COL11A1: variants seen among roughly 807,000 people sequenced by gnomAD.
COL11A1 encodes collagen alpha-1(XI) chain.
Under a neutral mutation model 265.2 loss-of-function variants are expected in COL11A1, and 74 were observed. That is an observed-to-expected ratio of 0.28 (90% CI 0.23 to 0.34). COL11A1 has a LOEUF of 0.34. Ranked by LOEUF, COL11A1 falls within the 10% of genes least tolerant of loss-of-function variation. The probability of loss-of-function intolerance (pLI) is 1.00; values close to 1 mark genes in which losing one functional copy is unlikely to be tolerated. For synonymous variants in COL11A1, 816 were observed against 727.6 expected (o/e 1.12, Z -1.96); for missense variants, 2,165 against 2,263.6 (o/e 0.96, Z 0.88).
chr1:102,878,945 G>A (rs1649892191), intron 66 of COL11A1, among the ~76,000 whole-genome samples: 1 of 152,052 alleles, frequency 6.6e-6, no homozygotes, highest in East Asian at 1.9e-4. Flanking sequence ...TCTGCTATAT[G>A]TTAATTTTAT....
At chr1:102,998,659 A>G (rs1478893258) in intron 24 of COL11A1, among the ~76,000 whole-genome samples, 3 of 151,820 alleles carry the variant, frequency 2.0e-5, no homozygotes, top group African/African-American at 7.2e-5. Context: ...AAGCTTAGAG[A>G]ACAAAAAGGA....
chr1:102,887,207 AATATAT>A (rs1651102502), intron 62 of COL11A1, 151 bp from the exon 63 acceptor site: 1 of 875,952 alleles, frequency 1.1e-6, no homozygotes, highest in African/African-American at 1.7e-5. Flanking sequence ...TAAGTTTATA[AATATAT>A]AAACGTCATA....
chr1:103,048,055 T>C (rs1477156361), intron 4 of COL11A1, among the ~76,000 whole-genome samples: 2 of 152,230 alleles, frequency 1.3e-5, no homozygotes, highest in Non-Finnish European at 2.9e-5. Context: ...GATATTGGTC[T>C]AAAATTCTCA....
chr1:103,087,060 C>T (rs2102347392), intron 1 of COL11A1, among the ~76,000 whole-genome samples: 1 of 152,226 alleles, frequency 6.6e-6, no homozygotes, highest in East Asian at 1.9e-4. Flanking sequence ...CTAACTGCAA[C>T]TGTTCAAAGA....
chr1:103,042,654 C>G (rs1262594392), intron 4 of COL11A1, among the ~76,000 whole-genome samples: 2 of 151,984 alleles, frequency 1.3e-5, no homozygotes, highest in Admixed American at 1.3e-4. Flanking sequence ...GTCTGGGACC[C>G]TTATCACTAT....
chr1:102,987,250 T>C (rs1557907585), intron 30 of COL11A1, among the ~76,000 whole-genome samples: 1 of 87,550 alleles, frequency 1.1e-5, no homozygotes. Flanking sequence ...CATATACATG[T>C]AGGATATATA....
At chr1:103,058,746 C>A (rs1558008763) in intron 4 of COL11A1, among the ~76,000 whole-genome samples, 1 of 152,118 alleles carries the variant, frequency 6.6e-6, no homozygotes, top group Non-Finnish European at 1.5e-5. Flanking sequence ...TCAGAACACA[C>A]AAAACATTTA....
intron 4 of COL11A1, among the ~76,000 whole-genome samples, chr1:103,056,965 T>C (rs1187670574): frequency 6.6e-6 from 1 of 152,206 alleles, no homozygotes; most frequent in Non-Finnish European, 1.5e-5. Context: ...TCTGTGTCTA[T>C]AACTGCTTAG....
chr1:103,015,492 T>C (rs1288148738), intron 12 of COL11A1, among the ~76,000 whole-genome samples, 176 bp downstream of exon 12: 2 of 152,110 alleles, frequency 1.3e-5, no homozygotes, highest in Admixed American at 1.3e-4. Context: ...CAGAGATTGA[T>C]ACCATAATTT....
At position 102,879,791 on chromosome 1, in the gene COL11A1, A is replaced by G; in HGVS notation, c.5166T>C (p.Asp1722=). ...YHCHQSAAWY[D]VSSGSYDKAL... ...CTTTGTCATAACTTCCTGATGACAC[A>G]TCATACCAGGCTGCTGACTGATGAC... Residue 1722 remains aspartate, a synonymous_variant, in exon 66 of 67, where the codon GAT becomes GAC. Coordinates refer to ENST00000370096, the MANE Select transcript of COL11A1 (RefSeq NM_001854.4). The G allele has an allele frequency of 6.2e-7, 1 of 1,614,020 alleles. No homozygotes were observed. Among genetic ancestry groups the G allele is most frequent in the African/African-American group, 1.3e-5 (1 of 75,056 alleles).
intron 1 of COL11A1, among the ~76,000 whole-genome samples, chr1:103,095,355 A>G (rs938284625): frequency 2.0e-5 from 3 of 152,196 alleles, no homozygotes; most frequent in Admixed American, 6.6e-5. Context: ...ATATTTGATT[A>G]GTACTAAGGA....
chr1:102,890,791 T>C (rs1651671994), intron 57 of COL11A1, among the ~76,000 whole-genome samples: 1 of 152,102 alleles, frequency 6.6e-6, no homozygotes, highest in African/African-American at 2.4e-5. Flanking sequence ...AATTTTTAAG[T>C]ACACTAGTTT....
intron 1 of COL11A1, among the ~76,000 whole-genome samples, chr1:103,097,300 A>T (rs1345726879): frequency 1.3e-5 from 2 of 151,892 alleles, no homozygotes; most frequent in Middle Eastern, 3.4e-3. Context: ...CTCACGTTTT[A>T]TCCCCACTGC....
intron 4 of COL11A1, among the ~76,000 whole-genome samples, chr1:103,067,125 A>C (rs1671220203): frequency 6.6e-6 from 1 of 152,014 alleles, no homozygotes; most frequent in African/African-American, 2.4e-5. Context: ...AGACAAAAAA[A>C]TAAGAAATAT....
intron 1 of COL11A1, among the ~76,000 whole-genome samples, chr1:103,090,059 G>A (rs1673189569): frequency 1.3e-5 from 2 of 151,174 alleles, no homozygotes; most frequent in South Asian, 4.2e-4. Flanking sequence ...TGGAGGCAGA[G>A]GTTGCAGCGA....
At chr1:102,981,813 T>A (rs1663067169) in intron 31 of COL11A1, among the ~76,000 whole-genome samples, 1 of 151,996 alleles carries the variant, frequency 6.6e-6, no homozygotes, top group South Asian at 2.1e-4. Flanking sequence ...ATAGATTTTA[T>A]TTTAGAAACA....
rs574055780 is a variant in COL11A1, at chr1:102,912,944, A to G, written c.4032+693T>C. Among the ~76,000 whole-genome samples the G allele has an allele frequency of 2.1e-3, 315 of 152,364 alleles. 3 individuals carry two copies. Among genetic ancestry groups the G allele is most frequent in the African/African-American group, 7.3e-3 (304 of 41,582 alleles). On this transcript the variant is annotated intron_variant, in intron 53 of 66. Transcript: ENST00000370096. ...AGCCATGCAGAATTGTGAGTCAATT[A>G]AACCTCTTTCCATTATAAATTACCC...
intron 5 of COL11A1, chr1:103,030,896 C>A: frequency 1.9e-6 from 1 of 538,366 alleles, no homozygotes; most frequent in Non-Finnish European, 3.3e-6. Context: ...ACAAGTGAAG[C>A]ACCATTATTG....
chr1:102,961,619 C>G (rs1423178057), intron 41 of COL11A1: 3 of 420,844 alleles, frequency 7.1e-6, no homozygotes, highest in African/African-American at 2.0e-5. Context: ...CCTTGGGAAC[C>G]GTAAGAAGCA....
Sources: gnomAD v4.1 joint callset for allele counts (sites outside exome capture counted in the v4.1 genomes callset) on GRCh38, gnomAD v4.1.1 for gene constraint, MANE v1.5 for transcripts, NCBI Gene and HGNC (gene_info 2026-07-23, HGNC 2026-07-21) for gene names.